DNAJB14: variants seen among roughly 807,000 people sequenced by gnomAD.
DNAJB14 encodes DnaJ heat shock protein family (Hsp40) member B14, also known as dnaJ homolog subfamily B member 14.
A neutral mutation model predicts 48.4 loss-of-function variants in DNAJB14; 22 were observed. The ratio of observed to expected loss-of-function variants is 0.45; its 90% CI spans 0.32 to 0.65. The LOEUF (loss-of-function observed/expected upper bound fraction) is 0.65, where lower values mean the gene tolerates loss of function less well. DNAJB14 is among the 30% of genes least tolerant of loss of function. The pLI, the probability that DNAJB14 is intolerant of heterozygous loss-of-function variation, is 0.03. For synonymous variants in DNAJB14, 142 were observed against 158.7 expected, an observed-to-expected ratio of 0.89 and a Z score of 0.79; for missense variants, 319 against 458.8, an observed-to-expected ratio of 0.70 and a Z score of 2.78.
intron 5 of DNAJB14, 97 bp downstream of exon 5, chr4:99,906,420 A>G: frequency 8.2e-7 from 1 of 1,223,668 alleles, no homozygotes; most frequent in Non-Finnish European, 1.2e-6. Context: ...GAGAAAACTC[A>G]TTATTTCCTA....
At chr4:99,944,902 T>G (rs945572198) in intron 1 of DNAJB14, among the ~76,000 whole-genome samples, 4 of 152,198 alleles carry the variant, frequency 2.6e-5, no homozygotes, top group Admixed American at 2.0e-4. Flanking sequence ...TAAAGAGGAA[T>G]TCTTCACGTT....
chr4:99,933,303 C>CTTTTTTTTTTTTTTTTTTTTTTTTT (rs759298582), intron 1 of DNAJB14, among the ~76,000 whole-genome samples: 1 of 88,776 alleles, frequency 1.1e-5, no homozygotes, highest in Non-Finnish European at 2.1e-5. Flanking sequence ...CATAAACAGT[C>CTTTTTTTTTTTTTTTTTTTTTTTTT]TTTTTTTTTT....
At position 99,906,629 on chromosome 4, in the gene DNAJB14, A is replaced by G. The variant is rs1725478745; in HGVS notation, c.638-18T>C. Reference sequence around the variant, plus strand: ...TACACTACCTAAAAAATTAAAAGCAAGGTTAAATTAGGGAGAGCAATTATG... The same window carrying G: ...TACACTACCTAAAAAATTAAAAGCAGGGTTAAATTAGGGAGAGCAATTATG... On this transcript the variant is annotated intron_variant, in intron 4 of 7. Coordinates refer to ENST00000442697, the MANE Select transcript of DNAJB14 (RefSeq NM_001031723.4). 3 of 1,576,902 alleles carry G rather than the reference A, an allele frequency of 1.9e-6. No individual in the cohort carries two copies. The highest frequency in any genetic ancestry group is 2.6e-6 in the Non-Finnish European group (3 of 1,150,026).
chr4:99,942,720 T>C (rs1726929495), intron 1 of DNAJB14, among the ~76,000 whole-genome samples: 1 of 152,160 alleles, frequency 6.6e-6, no homozygotes, highest in Non-Finnish European at 1.5e-5. Context: ...GTGTCTTATG[T>C]ATCAGACTTC....
intron 3 of DNAJB14, among the ~76,000 whole-genome samples, chr4:99,911,632 T>C (rs372543358): frequency 2.0e-4 from 30 of 152,358 alleles, no homozygotes; most frequent in African/African-American, 7.0e-4. Flanking sequence ...ATTTCTCTAA[T>C]GACTAATGAA....
chr4:99,933,360 T>A (rs1180717826), intron 1 of DNAJB14, among the ~76,000 whole-genome samples: 1 of 137,722 alleles, frequency 7.3e-6, no homozygotes, highest in Non-Finnish European at 1.5e-5. Flanking sequence ...AGTGGTATAA[T>A]CTCGGTTCAC....
chr4:99,912,034 C>T (rs1896166), intron 3 of DNAJB14, among the ~76,000 whole-genome samples: 68,120 of 151,960 alleles, frequency 0.45, 16,366 homozygotes, highest in African/African-American at 0.63. Flanking sequence ...TGATCTATTT[C>T]GAGTTCATTT....
At chr4:99,936,815 G>GT (rs377230631) in intron 1 of DNAJB14, among the ~76,000 whole-genome samples, 43 of 152,304 alleles carry the variant, frequency 2.8e-4, no homozygotes, top group African/African-American at 9.9e-4. Context: ...CCATGAATCT[G>GT]TAACAGATAA....
intron 7 of DNAJB14, among the ~76,000 whole-genome samples, chr4:99,902,682 T>C (rs1725334994): frequency 6.6e-6 from 1 of 152,168 alleles, no homozygotes; most frequent in South Asian, 2.1e-4. Context: ...ATTGCCTGAT[T>C]TAATTTTCAC....
At position 99,897,381 on chromosome 4, in the gene DNAJB14, T is replaced by C. The variant is rs1175753519; in HGVS notation, c.*3647A>G. On this transcript the variant is annotated 3_prime_UTR_variant, in exon 8 of 8. Coordinates refer to ENST00000442697, the MANE Select transcript of DNAJB14 (RefSeq NM_001031723.4). Reference sequence around the variant, plus strand: ...GCTATAATCCTTAATATAAGGAGTATGTTTTGAATTAATGTTTTGAGGAAA... The same window carrying C: ...GCTATAATCCTTAATATAAGGAGTACGTTTTGAATTAATGTTTTGAGGAAA... 1.3e-5 allele frequency: 2 copies of C among 151,672 alleles called. No individual in the cohort carries two copies. Among genetic ancestry groups the C allele is most frequent in the Admixed American group, 6.6e-5 (1 of 15,224 alleles). The allele number at this position is 151,672 out of a possible 1,614,324, so 9.4% of individuals were successfully genotyped here.
At chr4:99,901,470 T>G (rs1407045554) in intron 7 of DNAJB14, among the ~76,000 whole-genome samples, 2 of 152,096 alleles carry the variant, frequency 1.3e-5, no homozygotes, top group Non-Finnish European at 2.9e-5. Flanking sequence ...TTGGACTCTT[T>G]TCCTAAAAAT....
At chr4:99,905,526 A>G in intron 6 of DNAJB14, 71 bp downstream of exon 6, 1 of 1,160,872 alleles carries the variant, frequency 8.6e-7, no homozygotes, top group Non-Finnish European at 1.3e-6. Context: ...AAAGAGCACA[A>G]GCTCTTTAAA....
At chr4:99,943,041 G>A (rs1267370750) in intron 1 of DNAJB14, among the ~76,000 whole-genome samples, 1 of 152,038 alleles carries the variant, frequency 6.6e-6, no homozygotes, top group African/African-American at 2.4e-5. Context: ...TCTCTCTCCT[G>A]AATTCTTAAA....
chr4:99,920,424 C>CAACT (rs1005166721), intron 3 of DNAJB14, among the ~76,000 whole-genome samples: 7 of 152,296 alleles, frequency 4.6e-5, no homozygotes, highest in African/African-American at 1.4e-4. Flanking sequence ...AACACATAAA[C>CAACT]AACTAATCCA....
In DNAJB14 at chr4:99,898,552, G is replaced by A. The variant is rs1372871626; in HGVS notation, c.*2476C>T. ...TTCATTTCCCCCAAACCCTCACAAG[G>A]ACAATAATGTTTGTGTGTATATGCA... On this transcript the variant is annotated 3_prime_UTR_variant, in exon 8 of 8. Coordinates refer to ENST00000442697, the MANE Select transcript of DNAJB14 (RefSeq NM_001031723.4). 1 of 151,782 alleles carries A rather than the reference G, an allele frequency of 6.6e-6. No individual in the cohort carries two copies. Among genetic ancestry groups the A allele is most frequent in the Non-Finnish European group, 1.5e-5 (1 of 67,814 alleles). The allele number at this position is 151,782 out of a possible 1,614,324, so 9.4% of individuals were successfully genotyped here. A position where few individuals can be genotyped will look rare whatever the true frequency, so the allele number is the denominator to read the frequency against.
At chr4:99,905,522 C>G in intron 6 of DNAJB14, 75 bp downstream of exon 6, 2 of 1,134,562 alleles carry the variant, frequency 1.8e-6, no homozygotes, top group Non-Finnish European at 1.3e-6. Flanking sequence ...TTTAAAAGAG[C>G]ACAAGCTCTT....
At chr4:99,904,438 T>A (rs1725397472) in intron 6 of DNAJB14, among the ~76,000 whole-genome samples, 1 of 152,116 alleles carries the variant, frequency 6.6e-6, no homozygotes, top group East Asian at 1.9e-4. Context: ...ACAAACTTTG[T>A]TTCATGTACA....
At chr4:99,943,128 G>A (rs1578242594) in intron 1 of DNAJB14, among the ~76,000 whole-genome samples, 1 of 151,964 alleles carries the variant, frequency 6.6e-6, no homozygotes, top group South Asian at 2.1e-4. Context: ...CTTTATTTCA[G>A]CTCACATAAA....
At chr4:99,941,344 A>G (rs1360430792) in intron 1 of DNAJB14, among the ~76,000 whole-genome samples, 1 of 152,242 alleles carries the variant, frequency 6.6e-6, no homozygotes, top group African/African-American at 2.4e-5. Flanking sequence ...CTCCTAATTT[A>G]AAGCAATTAT....
Sources: gnomAD v4.1 joint callset for allele counts (sites outside exome capture counted in the v4.1 genomes callset) on GRCh38, gnomAD v4.1.1 for gene constraint, MANE v1.5 for transcripts, NCBI Gene and HGNC (gene_info 2026-07-23, HGNC 2026-07-21) for gene names.